The following TMEM98 variants were observed in gnomAD, a reference collection of about 807,000 sequenced individuals.
The protein encoded by TMEM98 is transmembrane protein 98.
In TMEM98, 18 loss-of-function variants were observed where a neutral mutation model predicts 25.0. The observed-to-expected ratio is 0.72, with a 90% CI of 0.50 to 1.07. The LOEUF is 1.07. Ranked by LOEUF, TMEM98 falls within the 50% of genes least tolerant of loss-of-function variation. TMEM98 has a pLI of 0.00. For missense variants in TMEM98, 241 were observed against 289.0 expected, an observed-to-expected ratio of 0.83 and a Z score of 1.20; for synonymous variants, 103 against 112.4, an observed-to-expected ratio of 0.92 and a Z score of 0.53.
intron 6 of TMEM98, among the ~76,000 whole-genome samples, chr17:32,938,789 T>A (rs2151114361): frequency 6.6e-6 from 1 of 152,362 alleles, no homozygotes; most frequent in Middle Eastern, 3.4e-3. Context: ...GTGGTGAGTG[T>A]TCCTCCAGAT....
In TMEM98 at chr17:32,942,570, C is replaced by T. The variant is rs530247625; in HGVS notation, c.*1577C>T. 6.6e-6 allele frequency: 1 copy of T among 152,350 alleles called. No homozygotes were observed. Among genetic ancestry groups the T allele is most frequent in the African/African-American group, 2.4e-5 (1 of 41,586 alleles). The allele number at this position is 152,350 out of a possible 1,614,324, so 9.4% of individuals were successfully genotyped here. On this transcript the variant is annotated 3_prime_UTR_variant, in exon 8 of 8. Transcript: ENST00000579849. ...TCTTTCCAGGAAAACAGGCCACTTC[C>T]AACCTGCACAATGTACACCAAACCA...
intron 1 of TMEM98, 74 bp from the exon 2 acceptor site, chr17:32,931,252 TG>T: frequency 2.7e-6 from 1 of 364,458 alleles, no homozygotes; most frequent in Non-Finnish European, 4.9e-6. Context: ...TTAGTCCAAC[TG>T]GGGAGCAAAT....
intron 1 of TMEM98, among the ~76,000 whole-genome samples, chr17:32,930,488 C>G (rs1484232365): frequency 6.6e-6 from 1 of 152,206 alleles, no homozygotes. Flanking sequence ...AAACAGTCTC[C>G]TGAGTGAAAA....
chr17:32,934,288 C>T lies in TMEM98; in HGVS notation c.264-3C>T. 2 of 1,614,114 alleles carry T rather than the reference C, an allele frequency of 1.2e-6. No individual in the cohort carries two copies. The highest frequency in any genetic ancestry group is 1.3e-5 in the African/African-American group (1 of 75,024). On this transcript the variant is annotated splice_region_variant and splice_polypyrimidine_tract_variant and intron_variant, in intron 4 of 7. Transcript: ENST00000579849. ...CACTGATGACTTCTTCTTGTTTCCC[C>T]AGGGGTCTCATGTCCCACTGCATTG...
rs150723262 is a variant in TMEM98, at chr17:32,940,789, G to A, written c.477G>A (p.Thr159=). 26 of 1,612,032 alleles carry A rather than the reference G, an allele frequency of 1.6e-5. No homozygotes were observed. The highest frequency in any genetic ancestry group is 1.7e-4 in the Middle Eastern group (1 of 6,040). The change falls in exon 8 of 8, where the codon ACG becomes ACA. Residue 159 remains threonine (T), a synonymous_variant. Transcript: ENST00000579849. ...CCTATTTTCTTTTTTTCCCTAGGAC[G>A]ACTGCCCTGCTCCTGTCTGTCAGTC... is the stretch of plus-strand genomic sequence containing the variant. ...PLDPKLLDAR[T]TALLLSVSHL...
rs1357657883 is a variant in TMEM98, at chr17:32,943,599, A to G, written c.*2606A>G. 2 of 152,212 alleles carry G rather than the reference A, an allele frequency of 1.3e-5. No homozygotes were observed. The highest frequency in any genetic ancestry group is 2.9e-5 in the Non-Finnish European group (2 of 68,042). The allele number at this position is 152,212 out of a possible 1,614,324, so 9.4% of individuals were successfully genotyped here. A position where few individuals can be genotyped will look rare whatever the true frequency, so the allele number is the denominator to read the frequency against. On this transcript the variant is annotated 3_prime_UTR_variant, in exon 8 of 8. Coordinates refer to ENST00000579849, the MANE Select transcript of TMEM98 (RefSeq NM_015544.3). ...AGAGATTCAATGTGAAGAGAACAAGATATTTGAAGTCAGAATTAGGTTTGA... is the reference window on the plus strand; with the variant it reads ...AGAGATTCAATGTGAAGAGAACAAGGTATTTGAAGTCAGAATTAGGTTTGA...
chr17:32,935,091 A>T (rs1401262798), intron 5 of TMEM98, among the ~76,000 whole-genome samples: 1 of 152,112 alleles, frequency 6.6e-6, no homozygotes, highest in Non-Finnish European at 1.5e-5. Context: ...TTCAAAAGAG[A>T]CAACTTTGTC....
At chr17:32,930,391 G>GCACA (rs10636438) in intron 1 of TMEM98, among the ~76,000 whole-genome samples, 101,507 of 151,664 alleles carry the variant, frequency 0.67, 35,229 homozygotes, top group African/African-American at 0.86. Context: ...AAAATTCTGT[G>GCACA]CACTAGTATA....
chr17:32,938,023 A>G (rs1294930142), intron 6 of TMEM98, among the ~76,000 whole-genome samples: 1 of 152,176 alleles, frequency 6.6e-6, no homozygotes, highest in African/African-American at 2.4e-5. Flanking sequence ...CAGCACTTTC[A>G]GGAGGTTGAG....
At chr17:32,933,839 C>T (rs1431914412) in intron 4 of TMEM98, among the ~76,000 whole-genome samples, 3 of 152,176 alleles carry the variant, frequency 2.0e-5, no homozygotes, top group African/African-American at 2.4e-5. Flanking sequence ...TCCTTGTGTA[C>T]AGTGCAGTAG....
At position 32,940,852 on chromosome 17, in the gene TMEM98, G is replaced by C; in HGVS notation, c.540G>C (p.Thr180=). The change falls in exon 8 of 8, where the codon ACG becomes ACC. Residue 180 remains threonine (T), a synonymous_variant. Transcript: ENST00000579849. ...TGACAAGGAATGCCTGCCATCTGAC[G>C]GGAGGCCTGGACTGGATTGACCAGT... ...VLVTRNACHL[T]GGLDWIDQSL... 6.2e-7 allele frequency: 1 copy of C among 1,614,140 alleles called. No individual in the cohort carries two copies. The highest frequency in any genetic ancestry group is 1.1e-5 in the South Asian group (1 of 91,070).
At chr17:32,935,446 G>A (rs2091491180) in intron 5 of TMEM98, among the ~76,000 whole-genome samples, 1 of 152,190 alleles carries the variant, frequency 6.6e-6, no homozygotes, top group African/African-American at 2.4e-5. Context: ...CAGCTGGAGG[G>A]AGTCATATTG....
At chr17:32,936,617 T>G in intron 6 of TMEM98, 170 bp downstream of exon 6, 1 of 627,736 alleles carries the variant, frequency 1.6e-6, no homozygotes, top group African/African-American at 1.8e-5. Flanking sequence ...TACCGAGACT[T>G]CTCAGCTAAG....
chr17:32,941,678 G>T lies in TMEM98; in HGVS notation c.*685G>T, dbSNP rs766269315. On this transcript the variant is annotated 3_prime_UTR_variant, in exon 8 of 8. Coordinates refer to ENST00000579849, the MANE Select transcript of TMEM98 (RefSeq NM_015544.3). ...TGTAGTTATTGAGTCAAATTCATAT[G>T]CATGGTGTATTGTGGGACATACTTA... 6.6e-6 allele frequency: 1 copy of T among 152,232 alleles called. No homozygotes were observed. Among genetic ancestry groups the T allele is most frequent in the Non-Finnish European group, 1.5e-5 (1 of 68,054 alleles). The allele number at this position is 152,232 out of a possible 1,614,324, so 9.4% of individuals were successfully genotyped here.
Position 32,942,220 on chromosome 17 carries a change from A to G in TMEM98, c.*1227A>G, listed in dbSNP as rs770362254. The G allele has an allele frequency of 5.9e-5, 9 of 152,248 alleles. No individual in the cohort carries two copies. Among genetic ancestry groups the G allele is most frequent in the South Asian group, 2.1e-4 (1 of 4,832 alleles). The allele number at this position is 152,248 out of a possible 1,614,324, so 9.4% of individuals were successfully genotyped here. ...CAAACATTGAAAGATTATGAAAGCT[A>G]TGACCCAGAATCACAATTATATAAT... On this transcript the variant is annotated 3_prime_UTR_variant, in exon 8 of 8. Transcript: ENST00000579849.
chr17:32,930,882 A>G (rs1468276022), intron 1 of TMEM98: 1 of 152,102 alleles, frequency 6.6e-6, no homozygotes, highest in East Asian at 1.9e-4. Flanking sequence ...GCTAGTTAAA[A>G]TGTTTCCTTT....
rs2091536217 is a variant in TMEM98, at chr17:32,942,540, T to C, written c.*1547T>C. The C allele has an allele frequency of 6.6e-6, 1 of 152,256 alleles. No individual in the cohort carries two copies. The highest frequency in any genetic ancestry group is 2.4e-5 in the African/African-American group (1 of 41,458). The allele number at this position is 152,256 out of a possible 1,614,324, so 9.4% of individuals were successfully genotyped here. A position where few individuals can be genotyped will look rare whatever the true frequency, so the allele number is the denominator to read the frequency against. On this transcript the variant is annotated 3_prime_UTR_variant, in exon 8 of 8. Transcript: ENST00000579849. ...GGTTTGTCTTTCCATTTGGGCACATTTCATTCTTTCCAGGAAAACAGGCCA... is the reference window on the plus strand; with the variant it reads ...GGTTTGTCTTTCCATTTGGGCACATCTCATTCTTTCCAGGAAAACAGGCCA...
At position 32,939,611 on chromosome 17, in the gene TMEM98, G is replaced by T. The variant is rs921205268; in HGVS notation, c.473+75G>T. ...ACCGTTTTATCAGATCTGTGAGGCT[G>T]GCTGACTGGCTTGTGTAGGGAGGGT... On this transcript the variant is annotated intron_variant, in intron 7 of 7. Coordinates refer to ENST00000579849, the MANE Select transcript of TMEM98 (RefSeq NM_015544.3). 41 of 1,577,276 alleles carry T rather than the reference G, an allele frequency of 2.6e-5. No homozygotes were observed. The African/African-American group carries it at 3.8e-4, about 15-fold the overall frequency.
chr17:32,936,461 G>A lies in TMEM98; in HGVS notation c.413+14G>A, dbSNP rs201003076. 2,993 of 1,609,424 alleles carry A rather than the reference G, an allele frequency of 1.9e-3. 3 individuals are homozygous for A. Among genetic ancestry groups the A allele is most frequent in the Admixed American group, 2.4e-3 (143 of 59,938 alleles). On this transcript the variant is annotated intron_variant, in intron 6 of 7. Coordinates refer to ENST00000579849, the MANE Select transcript of TMEM98 (RefSeq NM_015544.3). ...GATCAGCCCCAGGTGAGCAATTGGC[G>A]GCTTCGAGGTCCCCACACTCCCTGA...
Sources: gnomAD v4.1 joint callset for allele counts (sites outside exome capture counted in the v4.1 genomes callset) on GRCh38, gnomAD v4.1.1 for gene constraint, MANE v1.5 for transcripts, NCBI Gene and HGNC (gene_info 2026-07-23, HGNC 2026-07-21) for gene names.